The following IL1RAPL1 variants were observed in gnomAD, a reference collection of about 807,000 sequenced individuals.
IL1RAPL1 encodes the protein interleukin 1 receptor accessory protein like 1.
A neutral mutation model predicts 48.4 loss-of-function variants in IL1RAPL1; 3 were observed. The ratio of observed to expected loss-of-function variants is 0.06; its 90% CI spans 0.03 to 0.16. The LOEUF is 0.16. Among genes scored for constraint, IL1RAPL1 ranks in the 10% least tolerant of loss-of-function variants. The probability of loss-of-function intolerance (pLI) is 1.00; values close to 1 mark genes in which losing one functional copy is unlikely to be tolerated. For missense variants in IL1RAPL1, 349 were observed against 530.6 expected (o/e 0.66, Z 3.36); for synonymous variants, 185 against 187.7 (o/e 0.99, Z 0.12).
chrX:29,631,235 T>G (rs1924765423), intron 5 of IL1RAPL1, among the ~76,000 whole-genome samples: 1 of 111,779 alleles, frequency 8.9e-6, no homozygotes, highest in Non-Finnish European at 1.9e-5. Flanking sequence ...TTGGTTGTGC[T>G]TAGACTTGTA....
chrX:29,075,208 A>C (rs753919262), intron 2 of IL1RAPL1, among the ~76,000 whole-genome samples: 1 of 111,776 alleles, frequency 8.9e-6, no homozygotes, highest in Non-Finnish European at 1.9e-5. Context: ...AAATGCATGT[A>C]TCACAGTTAG....
chrX:29,222,056 C>CA (rs1255702993), intron 2 of IL1RAPL1, among the ~76,000 whole-genome samples: 1 of 106,400 alleles, frequency 9.4e-6, no homozygotes, highest in Non-Finnish European at 1.9e-5. Context: ...ATATATTTCA[C>CA]CAAACAAATA....
chrX:29,748,535 G>A (rs1348299868), intron 6 of IL1RAPL1, among the ~76,000 whole-genome samples: 3 of 112,511 alleles, frequency 2.7e-5, no homozygotes, highest in African/African-American at 9.7e-5. Flanking sequence ...AGAGTGAGAG[G>A]GAATGGATAT....
chrX:28,809,286 G>A (rs745736429), intron 2 of IL1RAPL1, among the ~76,000 whole-genome samples: 2 of 110,569 alleles, frequency 1.8e-5, no homozygotes, highest in Non-Finnish European at 3.8e-5. Context: ...TTCTCATGAA[G>A]AGTACAGCCT....
chrX:29,262,538 C>T (rs1397676311), intron 2 of IL1RAPL1, among the ~76,000 whole-genome samples: 1 of 110,010 alleles, frequency 9.1e-6, no homozygotes, highest in African/African-American at 3.3e-5. Context: ...TGGTGCATGC[C>T]AGTAATCCTA....
At chrX:28,759,458 G>A (rs1280972921) in intron 1 of IL1RAPL1, among the ~76,000 whole-genome samples, 1 of 109,876 alleles carries the variant, frequency 9.1e-6, no homozygotes, top group Non-Finnish European at 1.9e-5. Context: ...AGTGAATTGA[G>A]ACACATCAAA....
chrX:29,283,876 T>G (rs1932240847), intron 3 of IL1RAPL1, among the ~76,000 whole-genome samples: 1 of 112,536 alleles, frequency 8.9e-6, no homozygotes, highest in South Asian at 3.6e-4. Context: ...TGCAGTTTGT[T>G]TAAAGATAAT....
chrX:28,832,634 A>G (rs1392003279), intron 2 of IL1RAPL1, among the ~76,000 whole-genome samples: 1 of 110,567 alleles, frequency 9.0e-6, no homozygotes, highest in Non-Finnish European at 1.9e-5. Flanking sequence ...TATTACAGTA[A>G]ACTTTGACAA....
intron 5 of IL1RAPL1, among the ~76,000 whole-genome samples, chrX:29,653,139 C>T (rs926127103): frequency 1.6e-4 from 18 of 111,739 alleles, no homozygotes; most frequent in Non-Finnish European, 7.5e-5. Flanking sequence ...TAGGTATGCA[C>T]TATTTATACC....
intron 2 of IL1RAPL1, among the ~76,000 whole-genome samples, chrX:28,935,145 A>AT (rs754791688): frequency 7.3e-5 from 8 of 109,198 alleles, no homozygotes; most frequent in South Asian, 3.8e-4. Context: ...AGTCTACTTT[A>AT]TTTTTTTTTA....
At chrX:29,841,593 A>G (rs1184576588) in intron 6 of IL1RAPL1, among the ~76,000 whole-genome samples, 1 of 111,804 alleles carries the variant, frequency 8.9e-6, no homozygotes. Context: ...ATACTAGAAT[A>G]TAGTGATACA....
intron 7 of IL1RAPL1, among the ~76,000 whole-genome samples, chrX:29,918,391 G>C (rs1201815397): frequency 2.1e-3 from 214 of 101,699 alleles, no homozygotes; most frequent in Non-Finnish European, 2.9e-3. Flanking sequence ...TGTAGTCCCA[G>C]CTACTCGGGA....
chrX:29,905,824 T>TA (rs1932601206), intron 6 of IL1RAPL1, among the ~76,000 whole-genome samples: 1 of 111,652 alleles, frequency 9.0e-6, no homozygotes, highest in South Asian at 3.8e-4. Flanking sequence ...GAATACATGT[T>TA]AAAAAATTTT....
intron 6 of IL1RAPL1, among the ~76,000 whole-genome samples, chrX:29,753,513 T>A (rs1421297128): frequency 8.9e-6 from 1 of 112,195 alleles, no homozygotes; most frequent in Non-Finnish European, 1.9e-5. Context: ...AATATTTAGC[T>A]ACTAAAAGAC....
At chrX:29,265,702 A>G (rs1349434007) in intron 2 of IL1RAPL1, among the ~76,000 whole-genome samples, 1 of 92,805 alleles carries the variant, frequency 1.1e-5, no homozygotes, top group African/African-American at 4.1e-5. Flanking sequence ...ATTCCCACCT[A>G]TGAGTGAGAA....
chrX:29,501,344 C>A (rs1003860994), intron 5 of IL1RAPL1, among the ~76,000 whole-genome samples: 1 of 111,140 alleles, frequency 9.0e-6, no homozygotes, highest in African/African-American at 3.3e-5. Flanking sequence ...CTTTGGTTGC[C>A]TGGGCTTTTG....
At chrX:28,696,657 C>T (rs1935235394) in intron 1 of IL1RAPL1, among the ~76,000 whole-genome samples, 1 of 111,090 alleles carries the variant, frequency 9.0e-6, no homozygotes, top group Non-Finnish European at 1.9e-5. Context: ...ATCTGTACAA[C>T]TATGATATGT....
intron 5 of IL1RAPL1, among the ~76,000 whole-genome samples, chrX:29,540,779 C>T (rs1212884523): frequency 8.9e-6 from 1 of 111,855 alleles, no homozygotes; most frequent in Non-Finnish European, 1.9e-5. Context: ...CAAAAATTAA[C>T]TCAAAATGGG....
rs1319629730 is a variant in IL1RAPL1, at chrX:29,045,942, TCCTCCTCCTCCTCCTC to T, written c.83-236994_83-236979del. On this transcript the variant is annotated intron_variant, in intron 2 of 10. Transcript: ENST00000378993. ...TCTTCCTCCTCCTCCTCCTCCTTCT[TCCTCCTCCTCCTCCTC>T]CTCCTCCTTCTTCTCCTCCTTCTTC... Among the ~76,000 whole-genome samples the T allele has an allele frequency of 6.6e-4, 13 of 19,564 alleles. No individual in the cohort carries two copies. The Admixed American group carries it at 8.6e-3, about 13-fold the overall frequency. The allele number at this position is 19,564 out of a possible 115,157, so 17.0% of individuals were successfully genotyped here. A position where few individuals can be genotyped will look rare whatever the true frequency, so the allele number is the denominator to read the frequency against.
Sources: gnomAD v4.1 joint callset for allele counts (sites outside exome capture counted in the v4.1 genomes callset) on GRCh38, gnomAD v4.1.1 for gene constraint, MANE v1.5 for transcripts, NCBI Gene and HGNC (gene_info 2026-07-23, HGNC 2026-07-21) for gene names.